ZSWIM4: variants seen among roughly 807,000 people sequenced by gnomAD.
The protein encoded by ZSWIM4 is zinc finger SWIM-type containing 4.
Under a neutral mutation model 102.5 loss-of-function variants are expected in ZSWIM4, and 62 were observed. The observed-to-expected ratio is 0.60, with a 90% CI of 0.49 to 0.75. The LOEUF (loss-of-function observed/expected upper bound fraction) is 0.75, where lower values mean the gene tolerates loss of function less well. ZSWIM4 is among the 30% of genes least tolerant of loss of function. ZSWIM4 has a pLI of 0.00. For missense variants in ZSWIM4, 1,280 were observed against 1,529.6 expected, an observed-to-expected ratio of 0.84 and a Z score of 2.72; for synonymous variants, 652 against 674.5, an observed-to-expected ratio of 0.97 and a Z score of 0.52.
Position 13,831,301 on chromosome 19 carries a change from G to A in ZSWIM4, c.*251G>A, listed in dbSNP as rs1975761986. 4.2e-6 allele frequency: 2 copies of A among 480,738 alleles called. No homozygotes were observed. The highest frequency in any genetic ancestry group is 7.2e-6 in the Non-Finnish European group (2 of 277,096). 29.8% of individuals were successfully genotyped at this position (480,738 alleles called of 1,614,324 possible). A position where few individuals can be genotyped will look rare whatever the true frequency, so the allele number is the denominator to read the frequency against. On this transcript the variant is annotated 3_prime_UTR_variant, in exon 14 of 14. Transcript: ENST00000590508. ...GAAGGGGTGTGTGCTTGGGCTGCTG[G>A]TATGACCCCACTTTGGGCACCCCAA...
intron 2 of ZSWIM4, among the ~76,000 whole-genome samples, chr19:13,800,905 G>T (rs1253511444): frequency 6.6e-6 from 1 of 152,146 alleles, no homozygotes; most frequent in Non-Finnish European, 1.5e-5. Context: ...ACTTTGGGAG[G>T]CCAAGGCAGG....
At chr19:13,810,909 CTTTTT>C (rs58776366) in intron 5 of ZSWIM4, among the ~76,000 whole-genome samples, 1 of 94,120 alleles carries the variant, frequency 1.1e-5, no homozygotes, top group Non-Finnish European at 2.1e-5. Flanking sequence ...CACGCCCAGC[CTTTTT>C]TTTTTTTTTT....
At chr19:13,800,129 G>C (rs1974722766) in intron 2 of ZSWIM4, among the ~76,000 whole-genome samples, 1 of 146,724 alleles carries the variant, frequency 6.8e-6, no homozygotes, top group African/African-American at 2.6e-5. Flanking sequence ...GTGCAGTGGC[G>C]CGATCTCGGC....
rs186975941 is a variant in ZSWIM4, at chr19:13,805,271, C to T, written c.712+123C>T. On this transcript the variant is annotated intron_variant, in intron 3 of 13. Coordinates refer to ENST00000590508, the MANE Select transcript of ZSWIM4 (RefSeq NM_001367834.3). ...TTGTGGGGGCGGGGGGCGGAAAACG[C>T]GCCATGGCCTGCATCATCTGAGGTC... 176 of 849,056 alleles carry T rather than the reference C, an allele frequency of 2.1e-4. No individual in the cohort carries two copies. The Middle Eastern group carries it at 2.9e-3, about 14-fold the overall frequency. 52.6% of individuals were successfully genotyped at this position (849,056 alleles called of 1,614,324 possible).
Position 13,799,845 on chromosome 19 carries a change from G to C in ZSWIM4, c.279G>C (p.Glu93Asp), listed in dbSNP as rs1349898336. The C allele has an allele frequency of 6.2e-7, 1 of 1,613,814 alleles. No homozygotes were observed. The highest frequency in any genetic ancestry group is 1.1e-5 in the South Asian group (1 of 91,084). ...TGGGTTACCCGCCCCCAGAGGGCGA[G>C]CACGATGCCCGGGTGCCCTTTACCC... ...SSLGYPPPEGEHDARVPFTRG... is the reference protein window; with the variant it reads ...SSLGYPPPEGDHDARVPFTRG... Residue 93 changes from glutamate to aspartate, a missense_variant, in exon 2 of 14, where the codon GAG becomes GAC. By Grantham distance (45) the Glu-to-Asp change is conservative. Transcript: ENST00000590508.
chr19:13,827,888 C>A (rs779713921), intron 12 of ZSWIM4, among the ~76,000 whole-genome samples: 1 of 152,004 alleles, frequency 6.6e-6, no homozygotes, highest in African/African-American at 2.4e-5. Context: ...TACTTAGAGG[C>A]AAGAGAGAGG....
intron 2 of ZSWIM4, 91 bp from the exon 3 acceptor site, chr19:13,804,701 G>T: frequency 9.5e-7 from 1 of 1,057,000 alleles, no homozygotes; most frequent in Non-Finnish European, 1.4e-6. Context: ...GAAGTGACTC[G>T]GCTGGGCTTT....
chr19:13,823,525 CCTTT>C (rs1975526493), intron 11 of ZSWIM4, 25 bp downstream of exon 11: 13 of 1,550,982 alleles, frequency 8.4e-6, no homozygotes, highest in Non-Finnish European at 1.1e-5. Context: ...TGTCCCGATT[CCTTT>C]GTCTTCCTCC....
At position 13,811,903 on chromosome 19, in the gene ZSWIM4, C is replaced by T. The variant is rs527993703; in HGVS notation, c.1013-1094C>T. 1.9e-3 allele frequency among the ~76,000 whole-genome samples: 291 copies of T among 151,862 alleles called. 3 individuals are homozygous for T. Among genetic ancestry groups the T allele is most frequent in the African/African-American group, 6.7e-3 (277 of 41,434 alleles). ...CAGCTTGGCCAACATGGTGAAACCC[C>T]GCCTTTACTAAAAATGCAAAAATTA... On this transcript the variant is annotated intron_variant, in intron 5 of 13. Transcript: ENST00000590508.
At chr19:13,816,596 C>T (rs1483296268) in intron 7 of ZSWIM4, among the ~76,000 whole-genome samples, 1 of 152,024 alleles carries the variant, frequency 6.6e-6, no homozygotes, top group Non-Finnish European at 1.5e-5. Flanking sequence ...CGCCATTGCA[C>T]TCTAGTCTGG....
chr19:13,796,837 T>A (rs1397342916), intron 1 of ZSWIM4: 1 of 152,364 alleles, frequency 6.6e-6, no homozygotes, highest in African/African-American at 2.4e-5. Context: ...CTGTCCAGCT[T>A]CAGGGGGCGT....
At chr19:13,796,782 G>A (rs1303303960) in intron 1 of ZSWIM4, 1 of 152,244 alleles carries the variant, frequency 6.6e-6, no homozygotes, top group East Asian at 1.9e-4. Context: ...AGGAACTGGA[G>A]ACATGGCCCA....
rs760985629 is a variant in ZSWIM4, at chr19:13,823,396, C to T, written c.2111C>T (p.Pro704Leu). 14 of 1,613,732 alleles carry T rather than the reference C, an allele frequency of 8.7e-6. No individual in the cohort carries two copies. The highest frequency in any genetic ancestry group is 6.7e-5 in the African/African-American group (5 of 74,910). ...AFPAGEPHPSPLDSIMSNRFP... is the reference protein window; with the variant it reads ...AFPAGEPHPSLLDSIMSNRFP... The stretch of plus-strand genomic sequence containing the variant: ...CCTGCTGGAGAACCTCATCCCAGCC[C>T]GCTGGACTCCATCATGAGCAACCGC... The change falls in exon 11 of 14, where the codon CCG becomes CTG. Residue 704 changes from proline to leucine, a missense_variant. By Grantham distance (98) the Pro-to-Leu change is moderately conservative. Coordinates refer to ENST00000590508, the MANE Select transcript of ZSWIM4 (RefSeq NM_001367834.3).
intron 11 of ZSWIM4, among the ~76,000 whole-genome samples, chr19:13,824,044 A>G (rs1975539211): frequency 6.6e-6 from 1 of 150,606 alleles, no homozygotes; most frequent in Middle Eastern, 3.4e-3. Flanking sequence ...TAGAGAGGAA[A>G]GTGAGAGAGA....
In ZSWIM4 at chr19:13,825,718, G is replaced by T; in HGVS notation, c.2379+5G>T. The T allele has an allele frequency of 6.2e-7, 1 of 1,605,364 alleles. No individual in the cohort carries two copies. ...GCACTGGAGCTGGGGCTGCAGGTGA[G>T]GGCTGCCAGGTGGATGCGGGAGGGC... On this transcript the variant is annotated splice_donor_5th_base_variant and intron_variant, in intron 12 of 13. Coordinates refer to ENST00000590508, the MANE Select transcript of ZSWIM4 (RefSeq NM_001367834.3). The surrounding 1 kb of genome is among the most constrained non-coding windows in gnomAD (Gnocchi z 4.6).
chr19:13,819,441 T>C lies in ZSWIM4; in HGVS notation c.2009T>C (p.Leu670Pro). 3.7e-6 allele frequency: 6 copies of C among 1,610,230 alleles called. No homozygotes were observed. Among genetic ancestry groups the C allele is most frequent in the Non-Finnish European group, 5.1e-6 (6 of 1,178,406 alleles). Reference protein sequence around the residue: ...HTCARYLFTALLPHDPDLAYR... With the variant: ...HTCARYLFTAPLPHDPDLAYR... ...TGTGCCCGCTACCTGTTCACCGCACTGCTGCCTCATGACCCGGACCTGGCC... is the reference window on the plus strand; with the variant it reads ...TGTGCCCGCTACCTGTTCACCGCACCGCTGCCTCATGACCCGGACCTGGCC... Residue 670 changes from leucine (L) to proline (P), a missense_variant, in exon 10 of 14, where the codon CTG (leucine) becomes CCG (proline). Leu to Pro is a moderately conservative substitution (Grantham distance 98). Transcript: ENST00000590508.
intron 12 of ZSWIM4, 136 bp from the exon 13 acceptor site, chr19:13,828,509 G>C: frequency 1.6e-6 from 1 of 630,970 alleles, no homozygotes; most frequent in Non-Finnish European, 2.8e-6. Context: ...GGCCCAGAAA[G>C]TTGAGATCAC....
At chr19:13,827,250 A>G (rs962098018) in intron 12 of ZSWIM4, among the ~76,000 whole-genome samples, 2 of 151,676 alleles carry the variant, frequency 1.3e-5, no homozygotes, top group African/African-American at 4.8e-5. Context: ...TGATCGCGCC[A>G]CTGTACTCCA....
At chr19:13,817,399 CGTT>C (rs748845742) in intron 8 of ZSWIM4, 46 bp downstream of exon 8, 2 of 1,586,398 alleles carry the variant, frequency 1.3e-6, no homozygotes, top group African/African-American at 1.3e-5. Context: ...AACCCCGCCT[CGTT>C]GGCCACGCCC....
Sources: gnomAD v4.1 joint callset for allele counts (sites outside exome capture counted in the v4.1 genomes callset) on GRCh38, gnomAD v4.1.1 for gene constraint, Gnocchi (gnomAD v3.1) non-coding constraint, MANE v1.5 for transcripts, NCBI Gene and HGNC (gene_info 2026-07-23, HGNC 2026-07-21) for gene names.